The following MSI1 variants were observed in gnomAD, a reference collection of about 807,000 sequenced individuals.
The protein encoded by MSI1 is musashi RNA binding protein 1, also known as RNA-binding protein Musashi homolog 1.
In MSI1, 15 loss-of-function variants were observed where a neutral mutation model predicts 54.4. The ratio of observed to expected loss-of-function variants is 0.28; its 90% confidence interval spans 0.18 to 0.42. The LOEUF (loss-of-function observed/expected upper bound fraction) is 0.42. MSI1 is among the 20% of genes least tolerant of loss of function. The pLI, the probability that MSI1 is intolerant of heterozygous loss-of-function variation, is 1.00. For synonymous variants in MSI1, 200 were observed against 196.5 expected, an observed-to-expected ratio of 1.02 and a Z score of -0.15; for missense variants, 304 against 506.0, an observed-to-expected ratio of 0.60 and a Z score of 3.83.
chr12:120,367,202 A>T (rs952820226), intron 4 of MSI1, among the ~76,000 whole-genome samples: 3 of 149,508 alleles, frequency 2.0e-5, no homozygotes, highest in Non-Finnish European at 4.5e-5. Flanking sequence ...GCTGGGGGAC[A>T]GCAGGGAAGC....
chr12:120,348,586 G>A (rs80017549), intron 11 of MSI1, among the ~76,000 whole-genome samples: 8,561 of 150,330 alleles, frequency 0.057, 377 homozygotes, highest in Admixed American at 0.15. Context: ...TTTTTGTAAA[G>A]ATAGGGTCTT....
At chr12:120,365,712 T>C (rs1259989389) in intron 4 of MSI1, among the ~76,000 whole-genome samples, 1 of 152,184 alleles carries the variant, frequency 6.6e-6, no homozygotes, top group African/African-American at 2.4e-5. Flanking sequence ...ATAATGCAGC[T>C]AGGCTTGGGG....
intron 11 of MSI1, among the ~76,000 whole-genome samples, chr12:120,348,942 T>C (rs754880629): frequency 1.7e-4 from 26 of 152,116 alleles, no homozygotes; most frequent in Non-Finnish European, 3.7e-4. Context: ...TCTTGGTATG[T>C]TGCCCAAGCT....
intron 6 of MSI1, chr12:120,361,448 G>C (rs1875631097): frequency 1.3e-5 from 2 of 152,634 alleles, no homozygotes; most frequent in African/African-American, 4.8e-5. Flanking sequence ...GGCCAGGGCA[G>C]GGGGCAAGGA....
intron 7 of MSI1, among the ~76,000 whole-genome samples, chr12:120,358,312 A>T (rs1875317180): frequency 6.6e-6 from 1 of 152,264 alleles, no homozygotes; most frequent in African/African-American, 2.4e-5. Context: ...GCATGCATAC[A>T]TCTAGATACC....
intron 5 of MSI1, 24 bp from the exon 6 acceptor site, chr12:120,363,159 G>A (rs1205886075): frequency 6.2e-7 from 1 of 1,606,726 alleles, no homozygotes; most frequent in South Asian, 1.1e-5. Flanking sequence ...GAATGAGAAA[G>A]TGGGCATCTG....
intron 12 of MSI1, 150 bp from the exon 13 acceptor site, chr12:120,346,472 C>T: frequency 1.3e-6 from 1 of 757,608 alleles, no homozygotes; most frequent in African/African-American, 1.8e-5. Context: ...CCATGCCCAT[C>T]CACCCAGTCA....
At chr12:120,349,984 G>T (rs983322228) in intron 11 of MSI1, among the ~76,000 whole-genome samples, 1 of 152,202 alleles carries the variant, frequency 6.6e-6, no homozygotes, top group African/African-American at 2.4e-5. Flanking sequence ...GCCTGCCTCT[G>T]TCTTATCCCC....
intron 9 of MSI1, among the ~76,000 whole-genome samples, chr12:120,354,642 G>T (rs1874923248): frequency 6.6e-6 from 1 of 152,120 alleles, no homozygotes; most frequent in Admixed American, 6.5e-5. Flanking sequence ...TGTTGGTCAG[G>T]CTGGTCTCGA....
chr12:120,343,173 G>C (rs1873836032), intron 14 of MSI1, 68 bp from the exon 15 acceptor site: 1 of 152,210 alleles, frequency 6.6e-6, no homozygotes, highest in South Asian at 2.1e-4. Flanking sequence ...TTCTCTCCCA[G>C]AAGAGCTTTG....
intron 9 of MSI1, 118 bp from the exon 10 acceptor site, chr12:120,353,497 C>T (rs917183772): frequency 2.3e-6 from 2 of 853,914 alleles, no homozygotes; most frequent in African/African-American, 3.3e-5. Flanking sequence ...AATAGCTATA[C>T]CCTCCAAATA....
intron 4 of MSI1, among the ~76,000 whole-genome samples, chr12:120,365,355 C>A (rs1361297533): frequency 6.6e-6 from 1 of 152,132 alleles, no homozygotes; most frequent in Non-Finnish European, 1.5e-5. Flanking sequence ...ATAATAACAC[C>A]CACCTCAAAG....
rs1291264547 is a variant in MSI1 at position 120,368,463 on chromosome 12, C to T, written c.101-190G>A. Reference sequence around the variant, plus strand: ...GAGCCTCCTGGCGCCCACCGGGGCCCCGGGAAGCCGAGGGCCGAGCTGGGC... The same window carrying T: ...GAGCCTCCTGGCGCCCACCGGGGCCTCGGGAAGCCGAGGGCCGAGCTGGGC... On this transcript the variant is annotated intron_variant, in intron 2 of 14. Coordinates refer to ENST00000257552, the MANE Select transcript of MSI1 (RefSeq NM_002442.4). The surrounding 1 kb of genome is among the most constrained non-coding windows in gnomAD (Gnocchi z 6.6). 6.6e-6 allele frequency among the ~76,000 whole-genome samples: 1 copy of T among 152,058 alleles called. No homozygotes were observed. The highest frequency in any genetic ancestry group is 1.5e-5 in the Non-Finnish European group (1 of 67,972).
intron 4 of MSI1, 129 bp from the exon 5 acceptor site, chr12:120,364,884 T>A: frequency 1.4e-6 from 1 of 720,376 alleles, no homozygotes; most frequent in Non-Finnish European, 2.2e-6. Flanking sequence ...CAAAAGCCTC[T>A]AGGAGGAGAG....
Position 120,351,400 on chromosome 12 carries a change from T to G in MSI1, c.734A>C (p.Glu245Ala), listed in dbSNP as rs144415982. 3.1e-6 allele frequency: 5 copies of G among 1,613,434 alleles called. No individual in the cohort carries two copies. The highest frequency in any genetic ancestry group is 1.3e-5 in the African/African-American group (1 of 74,818). Residue 245 changes from glutamate to alanine, a missense_variant and splice_region_variant, in exon 11 of 15, where the codon GAA (glutamate) becomes GCA (alanine). Glu to Ala is a moderately radical substitution (Grantham distance 107). Coordinates refer to ENST00000257552, the MANE Select transcript of MSI1 (RefSeq NM_002442.4). Reference sequence around the variant, plus strand: ...GAGAGGGGTCCGCTCTACACGGAATTCTAAAATGAAACGTAAAACAGCTTA... The same window carrying G: ...GAGAGGGGTCCGCTCTACACGGAATGCTAAAATGAAACGTAAAACAGCTTA... ...LAPGYTYQFP[E>A]FRVERTPLPS...
chr12:120,368,881 A>G lies in MSI1; in HGVS notation c.60-8T>C, dbSNP rs758119491. The G allele has an allele frequency of 6.9e-7, 1 of 1,458,076 alleles. No homozygotes were observed. The highest frequency in any genetic ancestry group is 3.1e-5 in the East Asian group (1 of 31,800). The allele number at this position is 1,458,076 out of a possible 1,614,324, so 90.3% of individuals were successfully genotyped here. A position where few individuals can be genotyped will look rare whatever the true frequency, so the allele number is the denominator to read the frequency against. ...CCCCCGATGAACATCTTGCTGCGGG[A>G]GGAGGAGAGACACAAAGGGCCCGCG... On this transcript the variant is annotated splice_region_variant and splice_polypyrimidine_tract_variant and intron_variant, in intron 1 of 14. Transcript: ENST00000257552. The surrounding 1 kb of genome is among the most constrained non-coding windows in gnomAD (Gnocchi z 6.6).
intron 12 of MSI1, 135 bp downstream of exon 12, chr12:120,347,311 A>C: frequency 9.2e-7 from 1 of 1,083,526 alleles, no homozygotes; most frequent in South Asian, 1.4e-5. Flanking sequence ...AGCACAGAGC[A>C]GGTAATCAGG....
downstream of MSI1, among the ~76,000 whole-genome samples, chr12:120,340,972 A>G (rs1218825203): frequency 7.1e-6 from 1 of 140,766 alleles, no homozygotes; most frequent in Non-Finnish European, 1.5e-5. Flanking sequence ...CGCAGCCTCC[A>G]GCTCCAGGGT....
intron 13 of MSI1, among the ~76,000 whole-genome samples, 182 bp from the exon 14 acceptor site, chr12:120,345,814 C>A (rs1374688074): frequency 6.6e-6 from 1 of 151,952 alleles, no homozygotes; most frequent in Non-Finnish European, 1.5e-5. Context: ...CAAAGATTCT[C>A]CAACAGAGGG....
Sources: allele counts gnomAD v4.1 joint callset (sites outside exome capture counted in the v4.1 genomes callset), GRCh38; gene constraint gnomAD v4.1.1; non-coding constraint Gnocchi (gnomAD v3.1); transcripts MANE v1.5; gene names NCBI Gene and HGNC (gene_info 2026-07-23, HGNC 2026-07-21).